The following CCDC93 variants were observed in gnomAD, a reference collection of about 807,000 sequenced individuals.
CCDC93 encodes coiled-coil domain-containing protein 93.
CCDC93 carries 61 observed loss-of-function variants against 108.2 expected under a neutral mutation model. That is an observed-to-expected ratio of 0.56 (90% CI 0.46 to 0.70). The LOEUF is 0.70. CCDC93 is among the 30% of genes least tolerant of loss of function. The probability of loss-of-function intolerance (pLI) is 0.00; values close to 1 mark genes in which losing one functional copy is unlikely to be tolerated. For missense variants in CCDC93, 685 were observed against 764.2 expected (o/e 0.90, Z 1.22); for synonymous variants, 276 against 260.4 (o/e 1.06, Z -0.58).
chr2:117,920,448 T>G, intron 23 of CCDC93, 52 bp from the exon 24 acceptor site: 1 of 1,323,038 alleles, frequency 7.6e-7, no homozygotes, highest in Non-Finnish European at 1.1e-6. Flanking sequence ...TTAGCACCCA[T>G]GTGAGGCCAA....
intron 13 of CCDC93, chr2:117,951,248 A>G: frequency 4.1e-6 from 4 of 985,440 alleles, no homozygotes; most frequent in Non-Finnish European, 4.8e-6. Context: ...CAACCCGCAG[A>G]GCTTGCCATC....
intron 22 of CCDC93, chr2:117,934,513 C>G (rs888866731): frequency 6.5e-6 from 1 of 153,024 alleles, no homozygotes; most frequent in Non-Finnish European, 1.5e-5. Context: ...TTTTTTTCTC[C>G]TCCTTTGACA....
At chr2:117,976,540 T>C (rs1185525323) in intron 8 of CCDC93, among the ~76,000 whole-genome samples, 1 of 152,200 alleles carries the variant, frequency 6.6e-6, no homozygotes, top group African/African-American at 2.4e-5. Flanking sequence ...CTAATACTGA[T>C]ATTAATAATA....
At chr2:117,979,174 G>T (rs970178958) in intron 7 of CCDC93, among the ~76,000 whole-genome samples, 16 of 152,052 alleles carry the variant, frequency 1.1e-4, no homozygotes, top group African/African-American at 3.6e-4. Flanking sequence ...TCAATGGCAG[G>T]CCTCTTCCCT....
intron 6 of CCDC93, among the ~76,000 whole-genome samples, chr2:117,992,080 A>G (rs1384123416): frequency 6.6e-6 from 1 of 152,188 alleles, no homozygotes; most frequent in Non-Finnish European, 1.5e-5. Flanking sequence ...CAGATGAGGA[A>G]AAGAAAAACC....
chr2:118,010,466 C>T (rs1676994744), intron 1 of CCDC93, among the ~76,000 whole-genome samples: 2 of 152,174 alleles, frequency 1.3e-5, no homozygotes. Flanking sequence ...TGCTCATAAT[C>T]ATCTCTGAGT....
intron 2 of CCDC93, among the ~76,000 whole-genome samples, chr2:118,008,080 A>G (rs1676926607): frequency 6.6e-6 from 1 of 152,166 alleles, no homozygotes; most frequent in Non-Finnish European, 1.5e-5. Context: ...TATTACTATG[A>G]TTTGTGCATC....
rs780811895 is a variant in CCDC93 at position 117,973,976 on chromosome 2, A to C, written c.820T>G (p.Ser274Ala). 1.2e-6 allele frequency: 2 copies of C among 1,611,134 alleles called. No individual in the cohort carries two copies. The highest frequency in any genetic ancestry group is 1.7e-5 in the Admixed American group (1 of 59,708). ...CAGAGTCCCACAATCTGGCCCACGG[A>C]GCTTGCGGTGAGACGGCTCTGCAAG... ...ANEESRLTAS[S>A]VGQIVGLCSA... is the part of the protein sequence containing the mutation. The change falls in exon 11 of 24, where the codon TCC becomes GCC. Residue 274 changes from serine (S) to alanine (A), a missense_variant. Coordinates refer to ENST00000376300, the MANE Select transcript of CCDC93 (RefSeq NM_019044.5).
intron 6 of CCDC93, among the ~76,000 whole-genome samples, chr2:117,992,395 C>T (rs1385055712): frequency 6.6e-6 from 1 of 152,100 alleles, no homozygotes; most frequent in African/African-American, 2.4e-5. Flanking sequence ...AGGTACATGC[C>T]ACCATGCCTA....
chr2:117,925,891 A>AAAAC (rs1338635086), intron 23 of CCDC93, among the ~76,000 whole-genome samples: 2 of 152,250 alleles, frequency 1.3e-5, no homozygotes, highest in Non-Finnish European at 2.9e-5. Context: ...CAGCAAATGT[A>AAAAC]AAACAACAGA....
At chr2:117,929,764 G>A (rs910675255) in intron 23 of CCDC93, among the ~76,000 whole-genome samples, 1 of 152,140 alleles carries the variant, frequency 6.6e-6, no homozygotes, top group Admixed American at 6.5e-5. Flanking sequence ...AGCCTCAAAG[G>A]AGTCCCAGAC....
At chr2:117,961,421 CCT>C (rs1283182408) in intron 11 of CCDC93, among the ~76,000 whole-genome samples, 1 of 152,112 alleles carries the variant, frequency 6.6e-6, no homozygotes, top group Admixed American at 6.5e-5. Flanking sequence ...CTTGTAAGTT[CCT>C]CTGTTTGCCT....
intron 1 of CCDC93, among the ~76,000 whole-genome samples, chr2:118,013,165 T>G (rs1266998024): frequency 6.6e-6 from 1 of 152,228 alleles, no homozygotes; most frequent in Non-Finnish European, 1.5e-5. Flanking sequence ...ATGAATACAC[T>G]TTCCCTGTAT....
intron 23 of CCDC93, among the ~76,000 whole-genome samples, chr2:117,927,289 G>C (rs1341309870): frequency 3.3e-5 from 5 of 152,038 alleles, no homozygotes; most frequent in African/African-American, 1.2e-4. Context: ...GCAGGAGAAG[G>C]AAATAAAGGG....
chr2:117,981,606 G>T (rs1427031974), intron 7 of CCDC93, among the ~76,000 whole-genome samples: 3 of 152,102 alleles, frequency 2.0e-5, no homozygotes, highest in Non-Finnish European at 4.4e-5. Context: ...TGTACATTTA[G>T]AACAGCACAG....
intron 11 of CCDC93, among the ~76,000 whole-genome samples, chr2:117,959,253 G>A (rs1679314706): frequency 6.6e-6 from 1 of 152,220 alleles, no homozygotes; most frequent in Non-Finnish European, 1.5e-5. Context: ...CAAGACTCCT[G>A]TGAGAAGCCC....
chr2:117,968,206 A>G (rs1277043863), intron 11 of CCDC93, among the ~76,000 whole-genome samples: 2 of 152,210 alleles, frequency 1.3e-5, no homozygotes, highest in East Asian at 3.8e-4. Context: ...CTGCCCTCCC[A>G]GGGACCTTGC....
At chr2:117,922,054 G>C (rs575678425) in intron 23 of CCDC93, among the ~76,000 whole-genome samples, 3 of 150,436 alleles carry the variant, frequency 2.0e-5, no homozygotes, top group Non-Finnish European at 4.4e-5. Context: ...AGAACAGAGA[G>C]CTACACTATT....
intron 11 of CCDC93, among the ~76,000 whole-genome samples, chr2:117,972,857 G>T (rs2104778871): frequency 6.6e-6 from 1 of 152,252 alleles, no homozygotes; most frequent in South Asian, 2.1e-4. Context: ...GGTGGTAATG[G>T]AAAGACAGGA....
Sources: allele counts gnomAD v4.1 joint callset (sites outside exome capture counted in the v4.1 genomes callset), GRCh38; gene constraint gnomAD v4.1.1; transcripts MANE v1.5; gene names NCBI Gene and HGNC (gene_info 2026-07-23, HGNC 2026-07-21).